Variants in ARFGEF3 observed in about 807,000 individuals in gnomAD.
ARFGEF3 encodes ARFGEF family member 3.
A neutral mutation model predicts 221.7 loss-of-function variants in ARFGEF3; 96 were observed. The ratio of observed to expected loss-of-function variants is 0.43; its 90% confidence interval spans 0.37 to 0.51. The LOEUF is 0.51. ARFGEF3 is among the 20% of genes least tolerant of loss of function. ARFGEF3 has a pLI of 0.00. For synonymous variants in ARFGEF3, 1,145 were observed against 1,126.8 expected (o/e 1.02, Z -0.32); for missense variants, 2,410 against 2,789.9 (o/e 0.86, Z 3.07).
rs115941727 is a variant in ARFGEF3 at position 138,210,014 on chromosome 6, C to T, written c.324C>T (p.Asn108=). 149 of 1,613,796 alleles carry T rather than the reference C, an allele frequency of 9.2e-5. 2 individuals carry two copies. The highest frequency in any genetic ancestry group is 8.0e-4 in the South Asian group (73 of 91,048). Residue 108 remains asparagine, a synonymous_variant, in exon 4 of 34, where the codon AAC becomes AAT. Transcript: ENST00000251691. ...LNAVKVTPSL[N]EDLQVEVMKV... is the part of the protein sequence containing the mutation. ...CCGTGAAAGTGACGCCTTCGCTCAA[C>T]GAGGACCTGCAGGTGGAAGTGATGA...
chr6:138,243,078 A>G (rs956241907), intron 7 of ARFGEF3, 84 bp downstream of exon 7: 4 of 1,071,088 alleles, frequency 3.7e-6, no homozygotes, highest in Admixed American at 1.9e-5. Context: ...GGGTACAAAG[A>G]TGTCTAGGAG....
At position 138,340,923 on chromosome 6, in the gene ARFGEF3, G is replaced by A. The variant is rs916561103; in HGVS notation, c.*4437G>A. On this transcript the variant is annotated 3_prime_UTR_variant, in exon 34 of 34. Transcript: ENST00000251691. ...GTTTTTAAAAATAAAGTTGAAAAAA[G>A]AAAATGAATCATGTTTATACATAAA... 5.3e-5 allele frequency: 8 copies of A among 151,982 alleles called. No individual in the cohort carries two copies. The highest frequency in any genetic ancestry group is 1.9e-4 in the African/African-American group (8 of 41,368). 9.4% of individuals were successfully genotyped at this position (151,982 alleles called of 1,614,324 possible). A position where few individuals can be genotyped will look rare whatever the true frequency, so the allele number is the denominator to read the frequency against.
At chr6:138,285,742 A>G (rs748398800) in intron 14 of ARFGEF3, among the ~76,000 whole-genome samples, 3 of 151,812 alleles carry the variant, frequency 2.0e-5, no homozygotes, top group Admixed American at 6.6e-5. Context: ...ACAATGTAAC[A>G]GAAGAATAAA....
At chr6:138,276,750 C>T (rs1435136508) in intron 12 of ARFGEF3, among the ~76,000 whole-genome samples, 3 of 152,150 alleles carry the variant, frequency 2.0e-5, no homozygotes, top group African/African-American at 7.2e-5. Context: ...ACTACAGCCT[C>T]CGCCTCCCGG....
At chr6:138,251,091 G>A (rs566052372) in intron 8 of ARFGEF3, among the ~76,000 whole-genome samples, 18 of 152,258 alleles carry the variant, frequency 1.2e-4, no homozygotes, top group Admixed American at 6.5e-4. Flanking sequence ...AAGCTGCTGC[G>A]TTCAGTCTCC....
chr6:138,188,779 C>A (rs1253622896), intron 2 of ARFGEF3, among the ~76,000 whole-genome samples: 3 of 152,196 alleles, frequency 2.0e-5, no homozygotes, highest in Non-Finnish European at 4.4e-5. Context: ...CAGGTTAATG[C>A]AGATCTTAGT....
At position 138,207,138 on chromosome 6, in the gene ARFGEF3, G is replaced by A. The variant is rs767955812; in HGVS notation, c.219+15G>A. On this transcript the variant is annotated intron_variant, in intron 3 of 33. Coordinates refer to ENST00000251691, the MANE Select transcript of ARFGEF3 (RefSeq NM_020340.5). ...CAGGGATGCAGGTATGGCTTTGACTGAATGCAATGGGATGATAGAAATTGA... is the reference window on the plus strand; with the variant it reads ...CAGGGATGCAGGTATGGCTTTGACTAAATGCAATGGGATGATAGAAATTGA... 6.9e-6 allele frequency: 11 copies of A among 1,597,102 alleles called. No individual in the cohort carries two copies. Among genetic ancestry groups the A allele is most frequent in the Non-Finnish European group, 9.4e-6 (11 of 1,168,042 alleles).
chr6:138,293,819 CAGTT>C (rs796869363), intron 19 of ARFGEF3, among the ~76,000 whole-genome samples, 170 bp from the exon 20 acceptor site: 22 of 152,202 alleles, frequency 1.4e-4, no homozygotes, highest in African/African-American at 2.4e-4. Context: ...TAAAATCTCA[CAGTT>C]AGAGCAGACT....
At chr6:138,187,922 A>T (rs146101688) in intron 2 of ARFGEF3, among the ~76,000 whole-genome samples, 1 of 152,166 alleles carries the variant, frequency 6.6e-6, no homozygotes, top group African/African-American at 2.4e-5. Flanking sequence ...TCTCCCAATT[A>T]TACTAGGATA....
At chr6:138,230,990 A>C (rs1241567507) in intron 5 of ARFGEF3, among the ~76,000 whole-genome samples, 2 of 152,158 alleles carry the variant, frequency 1.3e-5, no homozygotes, top group Non-Finnish European at 2.9e-5. Context: ...GCCCTTTGCC[A>C]TGTGAAGGAA....
At chr6:138,254,012 G>T (rs759558604) in intron 9 of ARFGEF3, 28 bp downstream of exon 9, 1 of 1,469,082 alleles carries the variant, frequency 6.8e-7, no homozygotes. Context: ...ACGCCCCGAC[G>T]CTGATGCCAA....
intron 8 of ARFGEF3, among the ~76,000 whole-genome samples, chr6:138,253,128 TA>T (rs1187622792): frequency 6.6e-6 from 1 of 152,230 alleles, no homozygotes; most frequent in Admixed American, 6.5e-5. Context: ...TTGAAAGGTT[TA>T]GATAATATAA....
chr6:138,335,160 C>A lies in ARFGEF3; in HGVS notation c.6314C>A (p.Ser2105Ter). Reference sequence around the variant, plus strand: ...TCCACCGGGAGCTCCCTCAGTGTCTCGGTGAGAGACGCAGAAGCACAGATC... The same window carrying A: ...TCCACCGGGAGCTCCCTCAGTGTCTAGGTGAGAGACGCAGAAGCACAGATC... ...SGSTGSSLSVSVRDAEAQIQA... is the reference protein window; with the variant it reads ...SGSTGSSLSV The change falls in exon 33 of 34, where the codon TCG becomes TAG. Residue 2105 changes from serine (S) to a stop codon, truncating the protein, a stop_gained. Transcript: ENST00000251691. LOFTEE classifies it high-confidence loss of function. 1 of 1,562,114 alleles carries A rather than the reference C, an allele frequency of 6.4e-7. No homozygotes were observed. Among genetic ancestry groups the A allele is most frequent in the Non-Finnish European group, 8.6e-7 (1 of 1,161,112 alleles).
chr6:138,290,118 G>A, intron 18 of ARFGEF3, 150 bp downstream of exon 18: 1 of 763,738 alleles, frequency 1.3e-6, no homozygotes. Context: ...AACTTCAAAT[G>A]AGACGTGAAA....
chr6:138,279,745 A>G (rs1779162488), intron 13 of ARFGEF3, among the ~76,000 whole-genome samples: 2 of 152,166 alleles, frequency 1.3e-5, no homozygotes, highest in East Asian at 1.9e-4. Context: ...CACACATCCA[A>G]GAGTAAGAAT....
chr6:138,279,927 A>G (rs1188360909), intron 13 of ARFGEF3, 72 bp from the exon 14 acceptor site: 1 of 1,467,956 alleles, frequency 6.8e-7, no homozygotes, highest in Non-Finnish European at 9.5e-7. Context: ...GTGAAGAGGC[A>G]GCAGAGGCAC....
intron 12 of ARFGEF3, among the ~76,000 whole-genome samples, chr6:138,266,242 AAAAG>A (rs1251877031): frequency 2.0e-5 from 3 of 151,832 alleles, no homozygotes; most frequent in African/African-American, 4.8e-5. Flanking sequence ...GAGAAGAAAC[AAAAG>A]AAAGAGAAAG....
chr6:138,246,684 G>A (rs1015810463), intron 8 of ARFGEF3, among the ~76,000 whole-genome samples: 1 of 152,220 alleles, frequency 6.6e-6, no homozygotes, highest in African/African-American at 2.4e-5. Context: ...AGTGGTACCA[G>A]GGTTGGGGTA....
intron 14 of ARFGEF3, among the ~76,000 whole-genome samples, chr6:138,283,617 C>A (rs1401033969): frequency 6.6e-6 from 1 of 152,196 alleles, no homozygotes; most frequent in African/African-American, 2.4e-5. Flanking sequence ...GCAGTGCCAG[C>A]AATCTGATGA....
Sources: allele counts gnomAD v4.1 joint callset (sites outside exome capture counted in the v4.1 genomes callset), GRCh38; gene constraint gnomAD v4.1.1; transcripts MANE v1.5; gene names NCBI Gene and HGNC (gene_info 2026-07-23, HGNC 2026-07-21).